The following CDIN1 variants were observed in gnomAD, a reference collection of about 807,000 sequenced individuals.
The protein encoded by CDIN1 is CDAN1 interacting nuclease 1, also known as CDAN1-interacting nuclease 1.
A neutral mutation model predicts 45.3 loss-of-function variants in CDIN1; 33 were observed. The observed-to-expected ratio is 0.73, with a 90% CI of 0.55 to 0.97. The LOEUF is 0.97. Ranked by LOEUF, CDIN1 falls within the 50% of genes least tolerant of loss-of-function variation. CDIN1 has a pLI of 0.00. For synonymous variants in CDIN1, 118 were observed against 124.4 expected, an observed-to-expected ratio of 0.95 and a Z score of 0.34; for missense variants, 303 against 339.4, an observed-to-expected ratio of 0.89 and a Z score of 0.84.
At chr15:36,756,787 T>G (rs1202531415) in intron 10 of CDIN1, among the ~76,000 whole-genome samples, 1 of 152,168 alleles carries the variant, frequency 6.6e-6, no homozygotes, top group Non-Finnish European at 1.5e-5. Context: ...TCCCTTTCTT[T>G]CTGACAAATG....
chr15:36,694,548 A>G (rs971007097), intron 7 of CDIN1, among the ~76,000 whole-genome samples: 3 of 151,844 alleles, frequency 2.0e-5, no homozygotes, highest in African/African-American at 7.2e-5. Flanking sequence ...GTTAGCAAAG[A>G]GTATATACAT....
intron 1 of CDIN1, among the ~76,000 whole-genome samples, chr15:36,599,974 A>G (rs550045969): frequency 2.0e-5 from 3 of 152,350 alleles, no homozygotes; most frequent in Middle Eastern, 3.4e-3. Flanking sequence ...TGCTGGTTAG[A>G]ATAAAAAATC....
At chr15:36,806,803 C>A (rs928543843) in intron 10 of CDIN1, among the ~76,000 whole-genome samples, 1 of 152,152 alleles carries the variant, frequency 6.6e-6, no homozygotes, top group Non-Finnish European at 1.5e-5. Flanking sequence ...AAGAAACCCT[C>A]GGTTAAATGG....
intron 1 of CDIN1, among the ~76,000 whole-genome samples, chr15:36,602,181 G>A (rs1348810507): frequency 2.1e-4 from 32 of 152,192 alleles, no homozygotes; most frequent in African/African-American, 2.4e-5. Flanking sequence ...GGTTGGTGGT[G>A]TGCCCTGTGC....
chr15:36,645,564 A>T (rs2040291648), intron 3 of CDIN1, among the ~76,000 whole-genome samples: 1 of 150,782 alleles, frequency 6.6e-6, no homozygotes, highest in Admixed American at 6.6e-5. Context: ...TTATAATATT[A>T]TGAAATCTCA....
At chr15:36,750,646 A>G (rs1220092573) in intron 10 of CDIN1, among the ~76,000 whole-genome samples, 2 of 152,130 alleles carry the variant, frequency 1.3e-5, no homozygotes, top group Non-Finnish European at 2.9e-5. Context: ...CTGTGGGAGG[A>G]GACCTGTTTT....
intron 10 of CDIN1, among the ~76,000 whole-genome samples, chr15:36,756,528 T>C (rs2053614490): frequency 6.6e-6 from 1 of 152,206 alleles, no homozygotes; most frequent in Non-Finnish European, 1.5e-5. Flanking sequence ...GGTGATGAGC[T>C]AATGAAAGTA....
intron 1 of CDIN1, among the ~76,000 whole-genome samples, chr15:36,593,477 T>C (rs2037678085): frequency 6.6e-6 from 1 of 152,216 alleles, no homozygotes. Context: ...TAGGATACCC[T>C]AGATCATCAC....
intron 1 of CDIN1, chr15:36,617,610 T>C: frequency 1.3e-6 from 1 of 773,494 alleles, no homozygotes; most frequent in Non-Finnish European, 2.4e-6. Context: ...ATGTAATTCT[T>C]GAAGTGTTAA....
At chr15:36,689,023 A>C (rs575583308) in intron 5 of CDIN1, among the ~76,000 whole-genome samples, 15 of 152,268 alleles carry the variant, frequency 9.9e-5, no homozygotes, top group African/African-American at 3.6e-4. Context: ...ATGAATGTGG[A>C]CTCAATGTAT....
chr15:36,685,098 T>C (rs1283313011), intron 5 of CDIN1, among the ~76,000 whole-genome samples: 1 of 151,142 alleles, frequency 6.6e-6, no homozygotes, highest in East Asian at 1.9e-4. Flanking sequence ...GCTCTGATTT[T>C]AGTTATTTCT....
chr15:36,711,018 C>G (rs1226636372), intron 10 of CDIN1, among the ~76,000 whole-genome samples: 1 of 152,030 alleles, frequency 6.6e-6, no homozygotes, highest in Non-Finnish European at 1.5e-5. Context: ...GGCATCCGAG[C>G]TTTACTTTAC....
intron 1 of CDIN1, among the ~76,000 whole-genome samples, chr15:36,592,220 A>T (rs538096126): frequency 6.6e-6 from 1 of 152,332 alleles, no homozygotes; most frequent in South Asian, 2.1e-4. Flanking sequence ...CAGCCAGTGG[A>T]TGCTGGTGCT....
intron 8 of CDIN1, among the ~76,000 whole-genome samples, chr15:36,699,989 T>G (rs1167692759): frequency 6.6e-6 from 1 of 152,186 alleles, no homozygotes; most frequent in Non-Finnish European, 1.5e-5. Flanking sequence ...ATTTTTCATG[T>G]GCATATTTAT....
intron 5 of CDIN1, among the ~76,000 whole-genome samples, chr15:36,680,081 C>T (rs2041797014): frequency 6.6e-6 from 1 of 152,220 alleles, no homozygotes; most frequent in African/African-American, 2.4e-5. Flanking sequence ...TGATGATTAG[C>T]ACAGTGCTTT....
intron 5 of CDIN1, among the ~76,000 whole-genome samples, chr15:36,668,750 C>A (rs563231982): frequency 5.3e-5 from 8 of 152,126 alleles, no homozygotes; most frequent in African/African-American, 1.9e-4. Context: ...CACAATATGT[C>A]GAGTTGGAGT....
chr15:36,750,723 A>G (rs1049004544), intron 10 of CDIN1, among the ~76,000 whole-genome samples: 3 of 152,186 alleles, frequency 2.0e-5, no homozygotes, highest in African/African-American at 7.2e-5. Flanking sequence ...ATTGAAAAAT[A>G]TCTTCCCATT....
chr15:36,708,393 C>T (rs748055647), intron 8 of CDIN1: 1 of 151,810 alleles, frequency 6.6e-6, no homozygotes, highest in Non-Finnish European at 1.5e-5. Context: ...GGAGAACTCC[C>T]CATTTCAGAA....
chr15:36,671,992 G>A (rs2041468898), intron 5 of CDIN1, among the ~76,000 whole-genome samples: 1 of 152,026 alleles, frequency 6.6e-6, no homozygotes, highest in Admixed American at 6.6e-5. Context: ...TTGATGTTTT[G>A]AAATTTGTTT....
Sources: gnomAD v4.1 joint callset for allele counts (sites outside exome capture counted in the v4.1 genomes callset) on GRCh38, gnomAD v4.1.1 for gene constraint, MANE v1.5 for transcripts, NCBI Gene and HGNC (gene_info 2026-07-23, HGNC 2026-07-21) for gene names.